CALCRL: variants seen among roughly 807,000 people sequenced by gnomAD.
CALCRL encodes calcitonin gene-related peptide type 1 receptor.
A neutral mutation model predicts 60.4 loss-of-function variants in CALCRL; 27 were observed. That is an observed-to-expected ratio of 0.45 (90% confidence interval 0.33 to 0.62). The LOEUF is 0.62. Ranked by LOEUF, CALCRL falls within the 20% of genes least tolerant of loss-of-function variation. CALCRL has a pLI of 0.03. For missense variants in CALCRL, 424 were observed against 540.7 expected, an observed-to-expected ratio of 0.78 and a Z score of 2.14; for synonymous variants, 190 against 182.6, an observed-to-expected ratio of 1.04 and a Z score of -0.33.
chr2:187,396,752 T>C (rs1198635437), intron 1 of CALCRL, among the ~76,000 whole-genome samples: 2 of 151,788 alleles, frequency 1.3e-5, no homozygotes, highest in Non-Finnish European at 1.5e-5. Context: ...TAAATTTAAT[T>C]GTAACTATTA....
At chr2:187,372,322 T>TA (rs1179559083) in intron 8 of CALCRL, among the ~76,000 whole-genome samples, 1 of 151,736 alleles carries the variant, frequency 6.6e-6, no homozygotes, top group East Asian at 1.9e-4. Context: ...GAGTTTATTT[T>TA]TTTTTTTTAT....
chr2:187,374,973 A>G (rs1469025416), intron 8 of CALCRL, among the ~76,000 whole-genome samples: 1 of 152,152 alleles, frequency 6.6e-6, no homozygotes, highest in Non-Finnish European at 1.5e-5. Flanking sequence ...GTATTATACT[A>G]TCCATTAAAA....
intron 14 of CALCRL, 21 bp from the exon 15 acceptor site, chr2:187,346,420 A>G: frequency 1.3e-6 from 2 of 1,531,568 alleles, no homozygotes; most frequent in South Asian, 1.1e-5. Context: ...AAAGGAAAAC[A>G]GAAAGAACAA....
At chr2:187,361,754 A>G (rs1168852773) in intron 9 of CALCRL, among the ~76,000 whole-genome samples, 3 of 151,936 alleles carry the variant, frequency 2.0e-5, no homozygotes, top group African/African-American at 7.2e-5. Context: ...AGTACCAGAG[A>G]AGTTAAATGA....
intron 1 of CALCRL, among the ~76,000 whole-genome samples, chr2:187,429,393 G>T (rs1690302696): frequency 6.6e-6 from 1 of 152,148 alleles, no homozygotes; most frequent in African/African-American, 2.4e-5. Context: ...GAACTTCAGA[G>T]CTGGGATGGA....
chr2:187,359,381 A>T (rs770507098), intron 10 of CALCRL, 109 bp from the exon 11 acceptor site: 121 of 684,898 alleles, frequency 1.8e-4, no homozygotes, highest in Non-Finnish European at 2.5e-4. Flanking sequence ...GAGCAAAAAA[A>T]CTAGCCACTA....
chr2:187,413,690 A>G (rs2105853992), intron 1 of CALCRL, among the ~76,000 whole-genome samples: 1 of 152,276 alleles, frequency 6.6e-6, no homozygotes, highest in East Asian at 1.9e-4. Context: ...TTGTATGTTG[A>G]CAGTACAAGG....
chr2:187,344,147 T>C lies in CALCRL; in HGVS notation c.*2037A>G, dbSNP rs531799750. The C allele has an allele frequency of 6.6e-6, 1 of 151,750 alleles. No homozygotes were observed. The highest frequency in any genetic ancestry group is 2.4e-5 in the African/African-American group (1 of 41,526). The allele number at this position is 151,750 out of a possible 1,614,324, so 9.4% of individuals were successfully genotyped here. ...AATAAATAGCTAATAATTGAGTTTA[T>C]TAAAATGAATTTTTGTATAATTTAG... On this transcript the variant is annotated 3_prime_UTR_variant, in exon 15 of 15. Coordinates refer to ENST00000392370, the MANE Select transcript of CALCRL (RefSeq NM_005795.6).
chr2:187,404,376 A>G (rs971067746), intron 1 of CALCRL, among the ~76,000 whole-genome samples: 2 of 152,010 alleles, frequency 1.3e-5, no homozygotes, highest in African/African-American at 4.8e-5. Flanking sequence ...CACCAAAGTA[A>G]GATTTTGTTT....
chr2:187,386,997 C>T (rs1688232289), intron 3 of CALCRL, among the ~76,000 whole-genome samples: 1 of 152,186 alleles, frequency 6.6e-6, no homozygotes, highest in East Asian at 1.9e-4. Context: ...GTGCATTAAA[C>T]CTCTTTCTTT....
chr2:187,388,015 A>C (rs1452239054), intron 1 of CALCRL, among the ~76,000 whole-genome samples: 1 of 152,092 alleles, frequency 6.6e-6, no homozygotes, highest in Non-Finnish European at 1.5e-5. Flanking sequence ...CATATTTTCT[A>C]TGAGTAAATA....
At chr2:187,416,137 C>T (rs1053084267) in intron 1 of CALCRL, among the ~76,000 whole-genome samples, 5 of 152,024 alleles carry the variant, frequency 3.3e-5, no homozygotes, top group Non-Finnish European at 5.9e-5. Flanking sequence ...TACTAGGTAA[C>T]GCATATATTA....
In CALCRL at chr2:187,346,319, A is replaced by G. The variant is rs1369320303; in HGVS notation, c.1251T>C (p.Arg417=). ...GNSFSNSEAL[R]SASYTVSTIS... Reference sequence around the variant, plus strand: ...TTGTTGACACTGTGTAAGACGCACTACGAAGAGCTTCTGAGTTGGAAAAGC... The same window carrying G: ...TTGTTGACACTGTGTAAGACGCACTGCGAAGAGCTTCTGAGTTGGAAAAGC... The change falls in exon 15 of 15, where the codon CGT becomes CGC. Residue 417 remains arginine (R), a synonymous_variant. Coordinates refer to ENST00000392370, the MANE Select transcript of CALCRL (RefSeq NM_005795.6). The G allele has an allele frequency of 6.2e-7, 1 of 1,612,550 alleles. No individual in the cohort carries two copies. Among genetic ancestry groups the G allele is most frequent in the Admixed American group, 1.7e-5 (1 of 59,772 alleles).
chr2:187,359,148 C>G lies in CALCRL; in HGVS notation c.843-19G>C. ...CCAGCAACTAGAGAAAACATAATAACATTATGTTGAAAATTTTTATTTTAC... is the reference window on the plus strand; with the variant it reads ...CCAGCAACTAGAGAAAACATAATAAGATTATGTTGAAAATTTTTATTTTAC... On this transcript the variant is annotated intron_variant, in intron 11 of 14. Coordinates refer to ENST00000392370, the MANE Select transcript of CALCRL (RefSeq NM_005795.6). 6.3e-7 allele frequency: 1 copy of G among 1,599,958 alleles called. No homozygotes were observed. The highest frequency in any genetic ancestry group is 8.6e-7 in the Non-Finnish European group (1 of 1,168,124).
chr2:187,383,634 A>G (rs995417313), intron 4 of CALCRL, among the ~76,000 whole-genome samples: 1 of 152,004 alleles, frequency 6.6e-6, no homozygotes, highest in Non-Finnish European at 1.5e-5. Context: ...TTCCAATCTG[A>G]CCCGAATGTT....
rs1229004547 is a variant in CALCRL at position 187,344,715 on chromosome 2, T to C, written c.*1469A>G. 2 of 151,750 alleles carry C rather than the reference T, an allele frequency of 1.3e-5. No individual in the cohort carries two copies. Among genetic ancestry groups the C allele is most frequent in the African/African-American group, 2.4e-5 (1 of 41,422 alleles). 9.4% of individuals were successfully genotyped at this position (151,750 alleles called of 1,614,324 possible). On this transcript the variant is annotated 3_prime_UTR_variant, in exon 15 of 15. Transcript: ENST00000392370. Reference sequence around the variant, plus strand: ...GTAGCTCTATTAAAATATTAAAGCATTGTATATGGTATATATAGTATCCTT... The same window carrying C: ...GTAGCTCTATTAAAATATTAAAGCACTGTATATGGTATATATAGTATCCTT...
intron 1 of CALCRL, among the ~76,000 whole-genome samples, chr2:187,411,236 A>G (rs1368710625): frequency 1.3e-5 from 2 of 151,626 alleles, no homozygotes; most frequent in African/African-American, 2.4e-5. Context: ...AACTCTATCA[A>G]AAGTTGTAAT....
intron 1 of CALCRL, chr2:187,415,845 A>T: frequency 2.7e-6 from 1 of 363,720 alleles, no homozygotes; most frequent in Non-Finnish European, 5.0e-6. Flanking sequence ...TCCAGAAAGT[A>T]AGACCCCTGC....
At chr2:187,442,735 A>C (rs1203946216) in intron 1 of CALCRL, among the ~76,000 whole-genome samples, 2 of 151,944 alleles carry the variant, frequency 1.3e-5, no homozygotes, top group African/African-American at 4.8e-5. Context: ...AGATGTCTAC[A>C]TTTATCTCTA....
Sources: gnomAD v4.1 joint callset for allele counts (sites outside exome capture counted in the v4.1 genomes callset) on GRCh38, gnomAD v4.1.1 for gene constraint, MANE v1.5 for transcripts, NCBI Gene and HGNC (gene_info 2026-07-23, HGNC 2026-07-21) for gene names.